The following ITGB5 variants were observed in gnomAD, a reference collection of about 807,000 sequenced individuals.
ITGB5 encodes integrin subunit beta 5.
A neutral mutation model predicts 84.8 loss-of-function variants in ITGB5; 38 were observed. That is an observed-to-expected ratio of 0.45 (90% CI 0.35 to 0.59). ITGB5 has a LOEUF of 0.59. Among genes scored for constraint, ITGB5 ranks in the 20% least tolerant of loss-of-function variants. ITGB5 has a pLI of 0.01. For missense variants in ITGB5, 905 were observed against 1,034.5 expected, an observed-to-expected ratio of 0.87 and a Z score of 1.72; for synonymous variants, 393 against 414.4, an observed-to-expected ratio of 0.95 and a Z score of 0.63.
At chr3:124,818,502 CTTTTTTTTTTTTTT>C (rs143582866) in intron 7 of ITGB5, among the ~76,000 whole-genome samples, 48 of 68,208 alleles carry the variant, frequency 7.0e-4, no homozygotes, top group Admixed American at 2.3e-3. Context: ...AGTGCATAGG[CTTTTTTTTTTTTTT>C]TTTTTTTTTT....
intron 10 of ITGB5, among the ~76,000 whole-genome samples, chr3:124,793,522 C>A (rs1448574500): frequency 6.6e-6 from 1 of 152,176 alleles, no homozygotes; most frequent in Non-Finnish European, 1.5e-5. Flanking sequence ...CAGGTGTGGC[C>A]CCCCCAGAGG....
chr3:124,858,456 A>C (rs745497405), intron 3 of ITGB5, among the ~76,000 whole-genome samples: 3 of 152,236 alleles, frequency 2.0e-5, no homozygotes, highest in African/African-American at 4.8e-5. Context: ...AATAAACCAC[A>C]GCATTATTCA....
intron 10 of ITGB5, among the ~76,000 whole-genome samples, chr3:124,782,934 GATGAC>G: frequency 6.6e-6 from 1 of 152,130 alleles, no homozygotes; most frequent in South Asian, 2.1e-4. Flanking sequence ...GGTGCAGACT[GATGAC>G]AGGGTTTTTA....
At chr3:124,778,539 A>AC (rs1187847640) in intron 10 of ITGB5, among the ~76,000 whole-genome samples, 9 of 152,334 alleles carry the variant, frequency 5.9e-5, no homozygotes, top group Admixed American at 2.6e-4. Context: ...TAAAGCAGCT[A>AC]CCAGGCTGCA....
chr3:124,844,906 T>A (rs848805), intron 4 of ITGB5, among the ~76,000 whole-genome samples: 151,937 of 152,362 alleles, frequency 1, 75,769 homozygotes, highest in Middle Eastern at 1. Flanking sequence ...GACATCTCCA[T>A]TTGAAAAATT....
intron 5 of ITGB5, among the ~76,000 whole-genome samples, chr3:124,839,457 C>T (rs115242923): frequency 0.023 from 3,508 of 152,288 alleles, 55 homozygotes; most frequent in Non-Finnish European, 0.034. Context: ...ATCAATCATG[C>T]CCTTTCAATT....
chr3:124,901,056 G>A (rs1423067085), intron 1 of ITGB5, among the ~76,000 whole-genome samples: 2 of 152,110 alleles, frequency 1.3e-5, no homozygotes, highest in African/African-American at 2.4e-5. Context: ...GACCAACCAA[G>A]GAAAAGTCCA....
Position 124,821,468 on chromosome 3 carries a change from T to C in ITGB5, c.787A>G (p.Ile263Val). The part of the protein sequence containing the change: ...VLQAAVCKEK[I>V]GWRKDALHLL... Reference sequence around the variant, plus strand: ...TGCAGTGCATCCTTTCGCCAGCCAATCTTCTCCTGAAGGACAGAAGGTGGA... The same window carrying C: ...TGCAGTGCATCCTTTCGCCAGCCAACCTTCTCCTGAAGGACAGAAGGTGGA... The change falls in exon 6 of 15, where the codon ATT becomes GTT. Residue 263 changes from isoleucine to valine, a missense_variant. Physicochemically the swap from Ile to Val is conservative, Grantham distance 29. Coordinates refer to ENST00000296181, the MANE Select transcript of ITGB5 (RefSeq NM_002213.5). The C allele has an allele frequency of 6.2e-7, 1 of 1,614,170 alleles. No homozygotes were observed. The highest frequency in any genetic ancestry group is 8.5e-7 in the Non-Finnish European group (1 of 1,180,020).
intron 3 of ITGB5, among the ~76,000 whole-genome samples, chr3:124,854,425 T>C (rs1414421721): frequency 3.9e-5 from 6 of 152,188 alleles, no homozygotes; most frequent in Non-Finnish European, 7.4e-5. Flanking sequence ...GGAATATTAT[T>C]TGGCCATAAA....
intron 5 of ITGB5, among the ~76,000 whole-genome samples, chr3:124,823,615 T>C (rs2064740389): frequency 6.7e-6 from 1 of 149,212 alleles, no homozygotes; most frequent in South Asian, 2.1e-4. Flanking sequence ...TATCGAGATG[T>C]ATAGTATATA....
chr3:124,875,539 G>C (rs945225293), intron 1 of ITGB5, among the ~76,000 whole-genome samples: 1 of 151,564 alleles, frequency 6.6e-6, no homozygotes, highest in Non-Finnish European at 1.5e-5. Flanking sequence ...AAGGGAACCA[G>C]GGAAACTCTG....
At chr3:124,899,953 T>C (rs1935185699) in intron 1 of ITGB5, among the ~76,000 whole-genome samples, 1 of 150,522 alleles carries the variant, frequency 6.6e-6, no homozygotes. Context: ...GAATACTTTA[T>C]GAAATTTGAA....
At chr3:124,880,722 G>A (rs1043751236) in intron 1 of ITGB5, among the ~76,000 whole-genome samples, 5 of 152,154 alleles carry the variant, frequency 3.3e-5, no homozygotes, top group African/African-American at 1.2e-4. Context: ...GAGGTCAGGA[G>A]TTCAAGACCA....
intron 1 of ITGB5, among the ~76,000 whole-genome samples, chr3:124,885,842 C>T (rs1007857): frequency 6.6e-6 from 1 of 152,162 alleles, no homozygotes; most frequent in Admixed American, 6.5e-5. Flanking sequence ...GCTCAGACCC[C>T]TCCTCCGCTC....
chr3:124,802,990 G>C (rs2064339518), intron 9 of ITGB5, among the ~76,000 whole-genome samples: 1 of 152,158 alleles, frequency 6.6e-6, no homozygotes, highest in Non-Finnish European at 1.5e-5. Flanking sequence ...GTTCCCACAG[G>C]GCTGCGGCCC....
chr3:124,773,347 A>C (rs1231689991), intron 11 of ITGB5, among the ~76,000 whole-genome samples: 1 of 152,186 alleles, frequency 6.6e-6, no homozygotes, highest in Non-Finnish European at 1.5e-5. Context: ...AAAGCACACA[A>C]TAGTACACTC....
At chr3:124,885,919 C>A (rs538063114) in intron 1 of ITGB5, among the ~76,000 whole-genome samples, 5 of 152,366 alleles carry the variant, frequency 3.3e-5, no homozygotes, top group African/African-American at 1.2e-4. Flanking sequence ...TCCCTTCGGG[C>A]AGCCAGGCAA....
chr3:124,818,982 C>T (rs1392594306), intron 7 of ITGB5, among the ~76,000 whole-genome samples: 3 of 152,122 alleles, frequency 2.0e-5, no homozygotes, highest in Admixed American at 2.0e-4. Flanking sequence ...ATCTCAGAGA[C>T]GAGTTTACAT....
At chr3:124,794,643 G>C (rs1299944375) in intron 10 of ITGB5, among the ~76,000 whole-genome samples, 1 of 151,992 alleles carries the variant, frequency 6.6e-6, no homozygotes, top group Non-Finnish European at 1.5e-5. Context: ...TTTGCCAGGC[G>C]TGGTGGTGGG....
Sources: allele counts gnomAD v4.1 joint callset (sites outside exome capture counted in the v4.1 genomes callset), GRCh38; gene constraint gnomAD v4.1.1; transcripts MANE v1.5; gene names NCBI Gene and HGNC (gene_info 2026-07-23, HGNC 2026-07-21).